FSHR: variants seen among roughly 807,000 people sequenced by gnomAD.
FSHR encodes follicle stimulating hormone receptor, also known as follicle-stimulating hormone receptor.
Under a neutral mutation model 52.1 loss-of-function variants are expected in FSHR, and 46 were observed. The ratio of observed to expected loss-of-function variants is 0.88; its 90% CI spans 0.70 to 1.13. The LOEUF (loss-of-function observed/expected upper bound fraction) is 1.13, where lower values mean the gene tolerates loss of function less well. Ranked by LOEUF, FSHR falls within the 50% of genes most tolerant of loss-of-function variation. FSHR has a pLI of 0.00. For synonymous variants in FSHR, 399 were observed against 309.6 expected, an observed-to-expected ratio of 1.29 and a Z score of -3.03; for missense variants, 964 against 834.6, an observed-to-expected ratio of 1.16 and a Z score of -1.91.
At chr2:48,995,471 G>A (rs1042205471) in intron 4 of FSHR, among the ~76,000 whole-genome samples, 5 of 152,096 alleles carry the variant, frequency 3.3e-5, no homozygotes, top group African/African-American at 1.2e-4. Flanking sequence ...CGGACCACAC[G>A]AGGTGGATGA....
At chr2:49,059,516 C>G (rs1292044556) in intron 2 of FSHR, 1 of 152,288 alleles carries the variant, frequency 6.6e-6, no homozygotes, top group East Asian at 1.9e-4. Context: ...GTGCCAAGAA[C>G]ATTCACTGGA....
intron 6 of FSHR, among the ~76,000 whole-genome samples, chr2:48,985,383 C>G (rs1375084005): frequency 3.9e-5 from 6 of 151,916 alleles, no homozygotes; most frequent in African/African-American, 1.5e-4. Flanking sequence ...CGAAGCAGGT[C>G]TCTCCTGAGG....
intron 2 of FSHR, among the ~76,000 whole-genome samples, chr2:49,028,155 A>G (rs971517998): frequency 6.6e-6 from 1 of 152,240 alleles, no homozygotes; most frequent in East Asian, 1.9e-4. Flanking sequence ...GGACAGGGAC[A>G]GTAAAGTGGC....
In FSHR at chr2:49,070,653, A is replaced by C. The variant is rs1669696958; in HGVS notation, c.153-2363T>G. Among the ~76,000 whole-genome samples, 3 of 152,080 alleles carry C rather than the reference A, an allele frequency of 2.0e-5. No individual in the cohort carries two copies. The South Asian group carries it at 6.2e-4, about 31-fold the overall frequency. On this transcript the variant is annotated intron_variant, in intron 1 of 9. Transcript: ENST00000406846. ...AATGTCAACTACAAAGCATTTTTTG[A>C]TTCAGCCCCAGTAGTGTGCATGTTT...
rs564647820 is a variant in FSHR, at chr2:49,038,740, G to A, written c.225-18580C>T. On this transcript the variant is annotated intron_variant, in intron 2 of 9. Coordinates refer to ENST00000406846, the MANE Select transcript of FSHR (RefSeq NM_000145.4). The stretch of plus-strand genomic sequence containing the variant: ...GAACAAAAACGATGTAGAAAATTGC[G>A]AGAGGAAGAGTAGAATTAAAACATT... 4.6e-5 allele frequency among the ~76,000 whole-genome samples: 7 copies of A among 151,194 alleles called. No homozygotes were observed. The South Asian group carries it at 1.3e-3, about 27-fold the overall frequency.
rs190201475 is a variant in FSHR at position 49,088,165 on chromosome 2, T to C, written c.153-19875A>G. Among the ~76,000 whole-genome samples the C allele has an allele frequency of 4.6e-3, 693 of 152,280 alleles. 4 individuals are homozygous for C. Among genetic ancestry groups the C allele is most frequent in the African/African-American group, 0.015 (635 of 41,570 alleles). ...GAAGCCTGTCTGGTCCCAAAGCCCA[T>C]GCGCACAAGTCTGCGTGTGTATGTG... On this transcript the variant is annotated intron_variant, in intron 1 of 9. Transcript: ENST00000406846.
chr2:49,099,790 CTGT>C (rs1262200103), intron 1 of FSHR, among the ~76,000 whole-genome samples: 1 of 152,086 alleles, frequency 6.6e-6, no homozygotes, highest in Non-Finnish European at 1.5e-5. Context: ...AGGCATGGAA[CTGT>C]TGTTCCCTTA....
chr2:49,120,308 C>G (rs1010055279), intron 1 of FSHR, among the ~76,000 whole-genome samples: 1 of 152,030 alleles, frequency 6.6e-6, no homozygotes, highest in African/African-American at 2.4e-5. Context: ...CTGTTGCAAC[C>G]TTATGCTTTA....
intron 1 of FSHR, among the ~76,000 whole-genome samples, chr2:49,129,247 C>A (rs778480018): frequency 6.6e-6 from 1 of 152,076 alleles, no homozygotes; most frequent in Non-Finnish European, 1.5e-5. Flanking sequence ...CTCACGTCAC[C>A]CATCAACACC....
At chr2:49,108,979 A>T (rs182259864) in intron 1 of FSHR, among the ~76,000 whole-genome samples, 1 of 152,172 alleles carries the variant, frequency 6.6e-6, no homozygotes, top group South Asian at 2.1e-4. Context: ...AGAAAAGCAG[A>T]TGGCATTAAG....
At chr2:48,996,079 G>T (rs573296069) in intron 4 of FSHR, among the ~76,000 whole-genome samples, 1 of 152,200 alleles carries the variant, frequency 6.6e-6, no homozygotes, top group Non-Finnish European at 1.5e-5. Flanking sequence ...AGTAACCAAG[G>T]CTGAGGGTTT....
At chr2:49,092,433 A>C (rs1162970736) in intron 1 of FSHR, among the ~76,000 whole-genome samples, 1 of 152,190 alleles carries the variant, frequency 6.6e-6, no homozygotes, top group African/African-American at 2.4e-5. Context: ...GAAAGTGGAC[A>C]TTCTTGCTTT....
chr2:49,129,014 T>C (rs1477355394), intron 1 of FSHR, among the ~76,000 whole-genome samples: 1 of 151,600 alleles, frequency 6.6e-6, no homozygotes, highest in Non-Finnish European at 1.5e-5. Context: ...CGTTAAAGCA[T>C]ATGAATCATC....
At chr2:48,975,411 C>T (rs1158656786) in intron 8 of FSHR, among the ~76,000 whole-genome samples, 1 of 152,074 alleles carries the variant, frequency 6.6e-6, no homozygotes, top group African/African-American at 2.4e-5. Context: ...GTGTTCAAGT[C>T]AGTCCACCCA....
At chr2:48,989,140 G>A in intron 5 of FSHR, 86 bp from the exon 6 acceptor site, 1 of 942,878 alleles carries the variant, frequency 1.1e-6, no homozygotes, top group Non-Finnish European at 1.7e-6. Context: ...GCATGATGCG[G>A]TCTTCAGCTG....
chr2:49,140,436 A>G (rs981896411), intron 1 of FSHR, among the ~76,000 whole-genome samples: 10 of 152,166 alleles, frequency 6.6e-5, no homozygotes, highest in African/African-American at 2.4e-4. Context: ...TATCAGCTCT[A>G]TGCTTTCTGC....
chr2:48,966,067 A>T (rs1381967051), intron 9 of FSHR, among the ~76,000 whole-genome samples: 1 of 151,964 alleles, frequency 6.6e-6, no homozygotes, highest in Non-Finnish European at 1.5e-5. Context: ...AGTGTAGGTC[A>T]AGTTATTTAG....
At chr2:48,990,496 GGC>G in intron 5 of FSHR, 68 bp downstream of exon 5, 1 of 984,480 alleles carries the variant, frequency 1.0e-6, no homozygotes, top group Non-Finnish European at 1.7e-6. Flanking sequence ...GCATATTAAA[GGC>G]CCAGATAGCC....
chr2:49,038,999 C>T (rs1668391578), intron 2 of FSHR, among the ~76,000 whole-genome samples: 1 of 152,120 alleles, frequency 6.6e-6, no homozygotes, highest in South Asian at 2.1e-4. Flanking sequence ...TGCATATGTG[C>T]TGGATGAGTA....
Sources: gnomAD v4.1 joint callset for allele counts (sites outside exome capture counted in the v4.1 genomes callset) on GRCh38, gnomAD v4.1.1 for gene constraint, MANE v1.5 for transcripts, NCBI Gene and HGNC (gene_info 2026-07-23, HGNC 2026-07-21) for gene names.